Variants in STEAP3 observed in about 807,000 individuals in gnomAD.
The protein encoded by STEAP3 is metalloreductase STEAP3.
In STEAP3, 35 loss-of-function variants were observed where a neutral mutation model predicts 34.9. The observed-to-expected ratio is 1.00, with a 90% CI of 0.76 to 1.33. The LOEUF (loss-of-function observed/expected upper bound fraction) is 1.33. Among genes scored for constraint, STEAP3 ranks in the 40% most tolerant of loss-of-function variants. The pLI, the probability that STEAP3 is intolerant of heterozygous loss-of-function variation, is 0.00. For synonymous variants in STEAP3, 281 were observed against 301.6 expected (o/e 0.93, Z 0.71); for missense variants, 652 against 667.6 (o/e 0.98, Z 0.26).
intron 5 of STEAP3, among the ~76,000 whole-genome samples, chr2:119,261,199 G>A (rs1677931951): frequency 6.6e-6 from 1 of 152,072 alleles, no homozygotes. Flanking sequence ...GCCCAATGTG[G>A]AATCAGACCC....
At chr2:119,236,278 T>C (rs1677092220) in intron 2 of STEAP3, among the ~76,000 whole-genome samples, 1 of 152,216 alleles carries the variant, frequency 6.6e-6, no homozygotes, top group Non-Finnish European at 1.5e-5. Context: ...TTGTCTCATA[T>C]AATCCTTGCC....
Position 119,262,335 on chromosome 2 carries a change from T to TACAC in STEAP3, c.1216-704_1216-701dup, listed in dbSNP as rs3054837. Among the ~76,000 whole-genome samples the TACAC allele has an allele frequency of 5.1e-3, 761 of 150,148 alleles. 4 individuals carry two copies. The highest frequency in any genetic ancestry group is 0.014 in the Middle Eastern group (4 of 290). On this transcript the variant is annotated intron_variant, in intron 5 of 5. Coordinates refer to ENST00000393110, the MANE Select transcript of STEAP3 (RefSeq NM_182915.3). ...ATACACACATAACTAGTAAAATTTA[T>TACAC]ACACACACACACACACACACATATA...
intron 4 of STEAP3, 51 bp downstream of exon 4, chr2:119,248,257 C>A: frequency 6.8e-7 from 1 of 1,481,050 alleles, no homozygotes; most frequent in African/African-American, 1.4e-5. Flanking sequence ...CATGCTTGTC[C>A]AGCACCTCCC....
At chr2:119,253,454 G>C (rs928646049) in intron 4 of STEAP3, among the ~76,000 whole-genome samples, 3 of 151,712 alleles carry the variant, frequency 2.0e-5, no homozygotes, top group African/African-American at 7.3e-5. Context: ...ATTTTATGTG[G>C]TAACTGAGCT....
Position 119,263,292 on chromosome 2 carries a change from C to A in STEAP3, c.1451C>A (p.Thr484Lys). Reference sequence around the variant, plus strand: ...GAGAGGGAGAGCACCATCAAGTTCACGCTGCCCACAGACCACGCCCTGGCC... The same window carrying A: ...GAGAGGGAGAGCACCATCAAGTTCAAGCTGCCCACAGACCACGCCCTGGCC... ...GWERESTIKFTLPTDHALAEK... is the reference protein window; with the variant it reads ...GWERESTIKFKLPTDHALAEK... Residue 484 changes from threonine (T) to lysine (K), a missense_variant, in exon 6 of 6, where the codon ACG becomes AAG. By Grantham distance (78) the Thr-to-Lys change is moderately conservative (BLOSUM62 -1). Transcript: ENST00000393110. 6.2e-7 allele frequency: 1 copy of A among 1,613,914 alleles called. No individual in the cohort carries two copies. Among genetic ancestry groups the A allele is most frequent in the Non-Finnish European group, 8.5e-7 (1 of 1,179,986 alleles).
chr2:119,247,624 C>T, intron 3 of STEAP3, 55 bp from the exon 4 acceptor site: 1 of 1,484,020 alleles, frequency 6.7e-7, no homozygotes. Flanking sequence ...CAGTGAGGCC[C>T]TGCCCACTCC....
chr2:119,247,115 G>T (rs1677451957), intron 3 of STEAP3, among the ~76,000 whole-genome samples: 1 of 152,148 alleles, frequency 6.6e-6, no homozygotes, highest in Non-Finnish European at 1.5e-5. Flanking sequence ...CCTGCAGGGG[G>T]ACCTCGTGGG....
chr2:119,256,762 G>A (rs1677785759), intron 5 of STEAP3, among the ~76,000 whole-genome samples: 1 of 152,168 alleles, frequency 6.6e-6, no homozygotes, highest in South Asian at 2.1e-4. Flanking sequence ...CATGTCAGCG[G>A]CGCCTGGGAA....
chr2:119,241,651 A>G (rs1677249813), intron 2 of STEAP3, among the ~76,000 whole-genome samples: 1 of 152,154 alleles, frequency 6.6e-6, no homozygotes, highest in Non-Finnish European at 1.5e-5. Context: ...GGGACCTCCT[A>G]TGTCCCAGCG....
chr2:119,249,571 T>C (rs1001905829), intron 4 of STEAP3, among the ~76,000 whole-genome samples: 2 of 152,150 alleles, frequency 1.3e-5, no homozygotes, highest in African/African-American at 4.8e-5. Context: ...CTCCTGCTCC[T>C]GCTCAGAATG....
chr2:119,247,398 T>C (rs142272587), intron 3 of STEAP3, among the ~76,000 whole-genome samples: 4 of 152,354 alleles, frequency 2.6e-5, no homozygotes, highest in African/African-American at 9.6e-5. Context: ...TGGTTGCTGA[T>C]GTCCACGAGC....
At chr2:119,238,827 C>G (rs1380331715) in intron 2 of STEAP3, among the ~76,000 whole-genome samples, 1 of 152,106 alleles carries the variant, frequency 6.6e-6, no homozygotes, top group East Asian at 1.9e-4. Context: ...GATTTCTGCC[C>G]CCAGAGGCTA....
At chr2:119,238,855 T>C (rs1380672374) in intron 2 of STEAP3, among the ~76,000 whole-genome samples, 1 of 152,168 alleles carries the variant, frequency 6.6e-6, no homozygotes, top group South Asian at 2.1e-4. Context: ...TCCAGTGGTG[T>C]GTGCAGTCAG....
intron 2 of STEAP3, among the ~76,000 whole-genome samples, chr2:119,241,852 C>T (rs1425746896): frequency 1.3e-5 from 2 of 152,234 alleles, no homozygotes; most frequent in African/African-American, 4.8e-5. Flanking sequence ...ATCTTCTCGC[C>T]TTGCTTCACT....
intron 1 of STEAP3, among the ~76,000 whole-genome samples, chr2:119,224,189 T>G (rs62159637): frequency 0.34 from 52,390 of 152,016 alleles, 10,107 homozygotes; most frequent in Non-Finnish European, 0.45. Context: ...GGTGCAGATG[T>G]GGGCGCCCCT....
At chr2:119,226,598 A>G (rs1679047430) in intron 1 of STEAP3, among the ~76,000 whole-genome samples, 1 of 152,052 alleles carries the variant, frequency 6.6e-6, no homozygotes, top group Admixed American at 6.6e-5. Flanking sequence ...GTTGGAGACT[A>G]GATGGTTTTC....
rs563372768 is a variant in STEAP3 at position 119,250,775 on chromosome 2, T to A, written c.1050+2569T>A. Among the ~76,000 whole-genome samples, 714 of 152,278 alleles carry A rather than the reference T, an allele frequency of 4.7e-3. 3 individuals carry two copies. The highest frequency in any genetic ancestry group is 5.7e-3 in the Admixed American group (87 of 15,306). The stretch of plus-strand genomic sequence containing the variant: ...TTCTGTTAACCCAATTCTGCCCTGA[T>A]GCAAATACCAGGGCACAGAGGGGCG... On this transcript the variant is annotated intron_variant, in intron 4 of 5. Coordinates refer to ENST00000393110, the MANE Select transcript of STEAP3 (RefSeq NM_182915.3).
intron 4 of STEAP3, among the ~76,000 whole-genome samples, chr2:119,253,456 A>T (rs1677684119): frequency 6.6e-6 from 1 of 151,936 alleles, no homozygotes; most frequent in African/African-American, 2.4e-5. Context: ...TTTATGTGGT[A>T]ACTGAGCTCG....
At chr2:119,226,511 C>T (rs551424331) in intron 1 of STEAP3, among the ~76,000 whole-genome samples, 7 of 152,280 alleles carry the variant, frequency 4.6e-5, no homozygotes, top group South Asian at 2.1e-4. Context: ...TGCTCCTACC[C>T]CACCCCTGCC....
Sources: allele counts gnomAD v4.1 joint callset (sites outside exome capture counted in the v4.1 genomes callset), GRCh38; gene constraint gnomAD v4.1.1; transcripts MANE v1.5; gene names NCBI Gene and HGNC (gene_info 2026-07-23, HGNC 2026-07-21).